QKI: variants seen among roughly 807,000 people sequenced by gnomAD.
QKI encodes KH domain-containing RNA-binding protein QKI.
In QKI, 10 loss-of-function variants were observed where a neutral mutation model predicts 39.0. The observed-to-expected ratio is 0.26, with a 90% CI of 0.16 to 0.43. QKI has a LOEUF of 0.43. QKI is among the 20% of genes least tolerant of loss of function. The pLI is 1.00. For missense variants in QKI, 218 were observed against 428.0 expected, an observed-to-expected ratio of 0.51 and a Z score of 4.33; for synonymous variants, 204 against 155.4, an observed-to-expected ratio of 1.31 and a Z score of -2.33.
intron 1 of QKI, among the ~76,000 whole-genome samples, chr6:163,416,089 T>G: frequency 6.9e-6 from 1 of 144,604 alleles, no homozygotes; most frequent in Admixed American, 6.8e-5. Context: ...AATAACGCGA[T>G]GACAGATCGG....
chr6:163,440,315 T>C (rs1212349641), intron 1 of QKI, among the ~76,000 whole-genome samples: 1 of 152,198 alleles, frequency 6.6e-6, no homozygotes, highest in African/African-American at 2.4e-5. Context: ...GATTTTCATC[T>C]TTATGTGGTC....
intron 1 of QKI, among the ~76,000 whole-genome samples, chr6:163,430,267 T>C (rs1174011284): frequency 6.6e-6 from 1 of 152,072 alleles, no homozygotes; most frequent in African/African-American, 2.4e-5. Context: ...CATTATAGAG[T>C]GATATATTAA....
intron 3 of QKI, among the ~76,000 whole-genome samples, chr6:163,513,536 AAATT>A (rs1779615095): frequency 6.6e-6 from 1 of 152,312 alleles, no homozygotes; most frequent in South Asian, 2.1e-4. Flanking sequence ...AATGTAAGTG[AAATT>A]AATTAGTGAA....
At chr6:163,440,204 A>G (rs1488965578) in intron 1 of QKI, among the ~76,000 whole-genome samples, 1 of 152,078 alleles carries the variant, frequency 6.6e-6, no homozygotes, top group Non-Finnish European at 1.5e-5. Flanking sequence ...TATCATGATC[A>G]CTCACTCTAG....
chr6:163,496,489 T>C (rs536731746), intron 3 of QKI, among the ~76,000 whole-genome samples: 4 of 152,306 alleles, frequency 2.6e-5, no homozygotes, highest in African/African-American at 9.6e-5. Flanking sequence ...CATTGTGCCT[T>C]TCCTCTAAGT....
At chr6:163,524,110 C>A (rs1375755499) in intron 3 of QKI, among the ~76,000 whole-genome samples, 3 of 152,048 alleles carry the variant, frequency 2.0e-5, no homozygotes, top group Non-Finnish European at 4.4e-5. Context: ...ACGGTTTATC[C>A]CACTTTCCAG....
intron 3 of QKI, among the ~76,000 whole-genome samples, chr6:163,512,409 G>A (rs562533163): frequency 5.4e-4 from 82 of 152,124 alleles, no homozygotes; most frequent in Non-Finnish European, 1.0e-3. Flanking sequence ...TTTTAATATA[G>A]AAAGTTCTAA....
At chr6:163,491,018 A>G (rs1425813869) in intron 3 of QKI, among the ~76,000 whole-genome samples, 2 of 152,162 alleles carry the variant, frequency 1.3e-5, no homozygotes, top group Non-Finnish European at 2.9e-5. Flanking sequence ...TTTATTGCCT[A>G]GTAGCCTTAG....
intron 3 of QKI, among the ~76,000 whole-genome samples, chr6:163,483,342 C>T (rs1241430358): frequency 6.6e-6 from 1 of 152,020 alleles, no homozygotes; most frequent in Non-Finnish European, 1.5e-5. Context: ...GTGACTGTGA[C>T]GATTGCTTAA....
chr6:163,577,473 C>G lies in QKI; in HGVS notation c.*6763C>G, dbSNP rs551788304. 24 of 151,718 alleles carry G rather than the reference C, an allele frequency of 1.6e-4. No individual in the cohort carries two copies. The highest frequency in any genetic ancestry group is 2.5e-4 in the Non-Finnish European group (17 of 67,934). The allele number at this position is 151,718 out of a possible 1,614,324, so 9.4% of individuals were successfully genotyped here. On this transcript the variant is annotated 3_prime_UTR_variant, in exon 8 of 8. Transcript: ENST00000361752. ...ACAAAATCTGCTCTTCCTGAAAGAT[C>G]AAAGTGTCTAGAAAGCCCAAACATG...
intron 3 of QKI, among the ~76,000 whole-genome samples, chr6:163,481,776 G>A (rs1398376898): frequency 6.6e-6 from 1 of 152,062 alleles, no homozygotes; most frequent in Non-Finnish European, 1.5e-5. Flanking sequence ...ATGGAACCAG[G>A]GCTTGAAAAC....
chr6:163,510,052 T>TA (rs1779340088), intron 3 of QKI, among the ~76,000 whole-genome samples: 1 of 151,774 alleles, frequency 6.6e-6, no homozygotes, highest in Non-Finnish European at 1.5e-5. Flanking sequence ...CCATGTCTAC[T>TA]AAAAATACAA....
intron 4 of QKI, among the ~76,000 whole-genome samples, chr6:163,552,291 C>G (rs1389301176): frequency 2.1e-5 from 3 of 143,436 alleles, no homozygotes; most frequent in Non-Finnish European, 4.5e-5. Flanking sequence ...TCACTGCAAG[C>G]TCCACCTCCC....
At chr6:163,531,829 C>T (rs137992435) in intron 3 of QKI, among the ~76,000 whole-genome samples, 1 of 152,180 alleles carries the variant, frequency 6.6e-6, no homozygotes, top group East Asian at 1.9e-4. Context: ...TTAAACTCTG[C>T]AGTGTTGTAG....
At chr6:163,480,761 G>C (rs765950902) in intron 3 of QKI, among the ~76,000 whole-genome samples, 1 of 152,168 alleles carries the variant, frequency 6.6e-6, no homozygotes, top group Non-Finnish European at 1.5e-5. Context: ...TTTGGACTTA[G>C]GATTATGTGG....
At chr6:163,490,854 GTTCT>G (rs1310415388) in intron 3 of QKI, among the ~76,000 whole-genome samples, 3 of 152,130 alleles carry the variant, frequency 2.0e-5, no homozygotes, top group Non-Finnish European at 2.9e-5. Flanking sequence ...TGCCTAGAAA[GTTCT>G]TTCTTGTGTT....
chr6:163,568,659 A>T (rs552629773), intron 7 of QKI: 11 of 976,746 alleles, frequency 1.1e-5, no homozygotes, highest in African/African-American at 8.8e-5. Context: ...TTTGAAGAGA[A>T]GTTTATTAGT....
intron 3 of QKI, among the ~76,000 whole-genome samples, chr6:163,488,973 CTTTTTTTTTTT>C (rs767477914): frequency 8.2e-6 from 1 of 122,122 alleles, no homozygotes; most frequent in Non-Finnish European, 1.7e-5. Context: ...CCTTCCATTT[CTTTTTTTTTTT>C]TTTTTTAAAC....
intron 6 of QKI, chr6:163,564,617 CAAAA>C (rs1783240807): frequency 6.2e-7 from 1 of 1,612,880 alleles, no homozygotes; most frequent in African/African-American, 1.3e-5. Flanking sequence ...TTTACATGAA[CAAAA>C]AGTGGTGTGC....
Sources: allele counts gnomAD v4.1 joint callset (sites outside exome capture counted in the v4.1 genomes callset), GRCh38; gene constraint gnomAD v4.1.1; transcripts MANE v1.5; gene names NCBI Gene and HGNC (gene_info 2026-07-23, HGNC 2026-07-21).